The following ZBTB40 variants were observed in gnomAD, a reference collection of about 807,000 sequenced individuals.
ZBTB40 encodes zinc finger and BTB domain-containing protein 40.
Under a neutral mutation model 117.5 loss-of-function variants are expected in ZBTB40, and 60 were observed. The ratio of observed to expected loss-of-function variants is 0.51; its 90% CI spans 0.41 to 0.63. The LOEUF (loss-of-function observed/expected upper bound fraction) is 0.63, where lower values mean the gene tolerates loss of function less well. Ranked by LOEUF, ZBTB40 falls within the 30% of genes least tolerant of loss-of-function variation. The probability of loss-of-function intolerance (pLI) is 0.00; values close to 1 mark genes in which losing one functional copy is unlikely to be tolerated. For synonymous variants in ZBTB40, 525 were observed against 577.1 expected, an observed-to-expected ratio of 0.91 and a Z score of 1.29; for missense variants, 1,287 against 1,498.5, an observed-to-expected ratio of 0.86 and a Z score of 2.33.
At chr1:22,507,781 T>C (rs1271034585) in intron 6 of ZBTB40, among the ~76,000 whole-genome samples, 3 of 152,166 alleles carry the variant, frequency 2.0e-5, no homozygotes, top group African/African-American at 7.2e-5. Context: ...GGCACTGACT[T>C]TCAAAGCGTT....
At chr1:22,494,805 T>A (rs1638729735) in intron 3 of ZBTB40, among the ~76,000 whole-genome samples, 1 of 152,154 alleles carries the variant, frequency 6.6e-6, no homozygotes, top group Admixed American at 6.5e-5. Flanking sequence ...TTAAAGAGTA[T>A]CTTGACAGCA....
chr1:22,447,411 TAG>T (rs1337120684), upstream of ZBTB40, among the ~76,000 whole-genome samples: 3 of 152,056 alleles, frequency 2.0e-5, no homozygotes, highest in Admixed American at 2.0e-4. Context: ...GGTTGACGGT[TAG>T]AGAGAGAGAT....
intron 1 of ZBTB40, among the ~76,000 whole-genome samples, chr1:22,438,202 C>T (rs1569738132): frequency 1.3e-5 from 2 of 152,332 alleles, no homozygotes; most frequent in East Asian, 3.9e-4. Flanking sequence ...CCTCCAGCCA[C>T]TGGTAACCAC....
chr1:22,502,331 C>G lies in ZBTB40; in HGVS notation c.1057C>G (p.Leu353Val). Residue 353 changes from leucine (L) to valine (V), a missense_variant, in exon 5 of 18, where the codon CTG becomes GTG. Physicochemically the swap from Leu to Val is conservative, Grantham distance 32. This residue lies in a region of ZBTB40 where 870 missense variants were observed against 934.4 expected (regional missense o/e 0.93). Transcript: ENST00000375647. ...AGAGGAGGGAAAGACCTTGTCTGTT[C>G]TGTTACTAGAACACAAAGAGGACCT... ...STEEGKTLSV[L>V]LLEHKEDLIQ... 1 of 1,613,910 alleles carries G rather than the reference C, an allele frequency of 6.2e-7. No individual in the cohort carries two copies.
intron 1 of ZBTB40, among the ~76,000 whole-genome samples, chr1:22,475,570 G>A (rs1641533810): frequency 6.6e-6 from 1 of 152,128 alleles, no homozygotes; most frequent in Admixed American, 6.5e-5. Context: ...CACCTTGTCT[G>A]TTGAAATTAA....
upstream of ZBTB40, among the ~76,000 whole-genome samples, chr1:22,447,319 TA>T (rs1640801045): frequency 6.6e-6 from 1 of 151,552 alleles, no homozygotes. Context: ...GGTAGTAGAG[TA>T]GTTAAGAGGT....
intron 1 of ZBTB40, among the ~76,000 whole-genome samples, chr1:22,484,443 T>C (rs545878948): frequency 1.3e-5 from 2 of 152,340 alleles, no homozygotes; most frequent in Non-Finnish European, 2.9e-5. Context: ...TTTCAAATTC[T>C]ACCTTATTGC....
chr1:22,510,177 G>A (rs1639192806), intron 9 of ZBTB40, among the ~76,000 whole-genome samples: 1 of 152,186 alleles, frequency 6.6e-6, no homozygotes, highest in African/African-American at 2.4e-5. Flanking sequence ...GAACAAGAAA[G>A]GAACATGAAA....
intron 1 of ZBTB40, among the ~76,000 whole-genome samples, chr1:22,473,648 C>T (rs943222952): frequency 1.8e-4 from 27 of 152,164 alleles, no homozygotes; most frequent in Admixed American, 1.6e-3. Context: ...GTCTCCTGAG[C>T]GGATGGGGCA....
intron 3 of ZBTB40, among the ~76,000 whole-genome samples, chr1:22,492,516 C>T (rs939201935): frequency 6.6e-6 from 1 of 152,214 alleles, no homozygotes; most frequent in Admixed American, 6.5e-5. Context: ...AGTGAGAGGG[C>T]GCTGCCCCGG....
chr1:22,520,561 A>G (rs1207977215), intron 14 of ZBTB40, among the ~76,000 whole-genome samples: 1 of 152,138 alleles, frequency 6.6e-6, no homozygotes, highest in Non-Finnish European at 1.5e-5. Context: ...TTGGATGCTC[A>G]CCTTCCATAG....
At chr1:22,505,998 A>G (rs1639066142) in intron 5 of ZBTB40, 51 bp from the exon 6 acceptor site, 2 of 1,599,476 alleles carry the variant, frequency 1.3e-6, no homozygotes. Flanking sequence ...TGTGTCAGAT[A>G]AATGTTGAAT....
intron 1 of ZBTB40, among the ~76,000 whole-genome samples, chr1:22,474,789 G>GT (rs1310028506): frequency 3.9e-5 from 6 of 152,256 alleles, no homozygotes; most frequent in African/African-American, 1.4e-4. Context: ...TGCAACAAGA[G>GT]TATGTGATAG....
Position 22,501,569 on chromosome 1 carries a change from C to A in ZBTB40, c.909C>A (p.Ser303Arg), listed in dbSNP as rs987557685. Residue 303 changes from serine to arginine, a missense_variant, in exon 4 of 18, where the codon AGC (serine) becomes AGA (arginine). Coordinates refer to ENST00000375647, the MANE Select transcript of ZBTB40 (RefSeq NM_014870.4). Reference protein sequence around the residue: ...QRILGKVREESLDVQTVVSLL... With the variant: ...QRILGKVREERLDVQTVVSLL... ...TCCTGGGTAAAGTAAGAGAGGAAAG[C>A]CTGGATGTTCAAACTGTTGTGTCCC... is the stretch of plus-strand genomic sequence containing the variant. 2.5e-6 allele frequency: 4 copies of A among 1,613,962 alleles called. No individual in the cohort carries two copies. Among genetic ancestry groups the A allele is most frequent in the Non-Finnish European group, 3.4e-6 (4 of 1,180,014 alleles).
chr1:22,468,362 CT>C (rs1641308211), intron 1 of ZBTB40, among the ~76,000 whole-genome samples: 1 of 146,770 alleles, frequency 6.8e-6, no homozygotes, highest in South Asian at 2.2e-4. Context: ...ATTTGCGTTT[CT>C]TTAATTATTC....
chr1:22,494,672 C>T (rs992563852), intron 3 of ZBTB40, among the ~76,000 whole-genome samples: 1 of 152,156 alleles, frequency 6.6e-6, no homozygotes, highest in Non-Finnish European at 1.5e-5. Context: ...GAGAGGCCAC[C>T]GAATACCCAT....
chr1:22,492,250 C>A (rs536184181), intron 3 of ZBTB40, among the ~76,000 whole-genome samples: 2 of 152,330 alleles, frequency 1.3e-5, no homozygotes, highest in East Asian at 3.9e-4. Context: ...TGCCTCCCAA[C>A]AGGGTAAAAG....
At position 22,516,058 on chromosome 1, in the gene ZBTB40, G is replaced by C. The variant is rs1282768400; in HGVS notation, c.2669-1242G>C. 3.9e-4 allele frequency among the ~76,000 whole-genome samples: 59 copies of C among 152,196 alleles called. 1 individual carries two copies. The highest frequency in any genetic ancestry group is 3.9e-3 in the Admixed American group (59 of 15,276). On this transcript the variant is annotated intron_variant, in intron 12 of 17. Transcript: ENST00000375647. ...AATGGAGGTAACAGGACTCATGGTG[G>C]ATTAGATGTGGGATGTGAAGGAAAG...
chr1:22,526,599 A>C lies in ZBTB40; in HGVS notation c.*203A>C, dbSNP rs1569900255. The C allele has an allele frequency of 1.6e-6, 1 of 636,602 alleles. No individual in the cohort carries two copies. The allele number at this position is 636,602 out of a possible 1,614,324, so 39.4% of individuals were successfully genotyped here. On this transcript the variant is annotated 3_prime_UTR_variant, in exon 18 of 18. Transcript: ENST00000375647. ...CATCTGAGCCCTCAACACCAACAGC[A>C]CCATCCTCTGTAGCAGACAGGCCTC...
Sources: gnomAD v4.1 joint callset for allele counts (sites outside exome capture counted in the v4.1 genomes callset) on GRCh38, gnomAD v4.1.1 for gene constraint, gnomAD v4.1.1 regional missense constraint, MANE v1.5 for transcripts, NCBI Gene and HGNC (gene_info 2026-07-23, HGNC 2026-07-21) for gene names.